PI16: variants seen among roughly 807,000 people sequenced by gnomAD.
PI16 encodes the protein PSP94-binding protein.
PI16 carries 35 observed loss-of-function variants against 38.0 expected under a neutral mutation model. The observed-to-expected ratio is 0.92, with a 90% CI of 0.70 to 1.22. The LOEUF is 1.22. Among genes scored for constraint, PI16 ranks in the 50% most tolerant of loss-of-function variants. The probability of loss-of-function intolerance (pLI) is 0.00; values close to 1 mark genes in which losing one functional copy is unlikely to be tolerated. For synonymous variants in PI16, 275 were observed against 252.9 expected, an observed-to-expected ratio of 1.09 and a Z score of -0.83; for missense variants, 572 against 593.8, an observed-to-expected ratio of 0.96 and a Z score of 0.38.
At position 36,961,949 on chromosome 6, in the gene PI16, C is replaced by G. The variant is rs1457443909; in HGVS notation, c.567C>G (p.Gly189=). Residue 189 remains glycine (G), a synonymous_variant, in exon 4 of 7, where the codon GGC becomes GGG. Transcript: ENST00000373674. ...EGTPCSQCPS[G]YHCKNSLCEP... ...CTCCGTGCTCCCAATGTCCCTCTGG[C>G]TACCACTGCAAGAACTCCCTCTGTG... 23 of 1,614,130 alleles carry G rather than the reference C, an allele frequency of 1.4e-5. No individual in the cohort carries two copies. The highest frequency in any genetic ancestry group is 1.8e-5 in the Non-Finnish European group (21 of 1,179,972).
chr6:36,954,675 C>A, upstream of PI16: 2 of 1,515,202 alleles, frequency 1.3e-6, no homozygotes, highest in Non-Finnish European at 8.8e-7. Flanking sequence ...ACTGCCCCAC[C>A]CCAGCCAGGG....
upstream of PI16, among the ~76,000 whole-genome samples, chr6:36,951,558 G>T (rs1763100160): frequency 6.6e-6 from 1 of 152,112 alleles, no homozygotes; most frequent in Non-Finnish European, 1.5e-5. Context: ...ACTTCAAATT[G>T]TTTTGTTGTT....
chr6:36,950,762 C>T (rs1318792822), upstream of PI16, among the ~76,000 whole-genome samples: 1 of 152,088 alleles, frequency 6.6e-6, no homozygotes, highest in African/African-American at 2.4e-5. The surrounding 1 kb of genome is among the most constrained non-coding windows in gnomAD (Gnocchi z 4.2). Flanking sequence ...AGGCTGGTCT[C>T]GAACTCCTGA....
chr6:36,955,560 T>C (rs1763181290), intron 1 of PI16, among the ~76,000 whole-genome samples: 1 of 152,102 alleles, frequency 6.6e-6, no homozygotes, highest in Admixed American at 6.5e-5. Flanking sequence ...GTCTCATCTG[T>C]AAAAGGCGGT....
upstream of PI16, among the ~76,000 whole-genome samples, chr6:36,951,609 T>C (rs1458676877): frequency 6.6e-6 from 1 of 152,072 alleles, no homozygotes; most frequent in Middle Eastern, 3.2e-3. Flanking sequence ...AAATATATCC[T>C]AGATATTGGC....
rs1763393431 is a variant in PI16 at position 36,962,398 on chromosome 6, G to A, written c.592+424G>A. 6.6e-6 allele frequency among the ~76,000 whole-genome samples: 1 copy of A among 152,248 alleles called. No individual in the cohort carries two copies. The highest frequency in any genetic ancestry group is 2.4e-5 in the African/African-American group (1 of 41,466). ...CTGAAAAAGGGCAAGTACGAATGTA[G>A]AGAGACTTGGACCAGGAGGTGGCTA... On this transcript the variant is annotated intron_variant, in intron 4 of 6. Coordinates refer to ENST00000373674, the MANE Select transcript of PI16 (RefSeq NM_153370.3). The surrounding 1 kb of genome is among the most constrained non-coding windows in gnomAD (Gnocchi z 4.1).
rs561347656 is a variant in PI16, at chr6:36,959,298, G to A, written c.325G>A (p.Glu109Lys). Residue 109 changes from glutamate (E) to lysine (K), a missense_variant, in exon 2 of 7, where the codon GAG becomes AAG. Coordinates refer to ENST00000373674, the MANE Select transcript of PI16 (RefSeq NM_153370.3). Reference sequence around the variant, plus strand: ...GCTGGCCATGGAGGAGTGGCACCACGAGCGTGAGCACTACAACCTCAGCGC... The same window carrying A: ...GCTGGCCATGGAGGAGTGGCACCACAAGCGTGAGCACTACAACCTCAGCGC... ...VPLAMEEWHH[E>K]REHYNLSAAT... 1.9e-6 allele frequency: 3 copies of A among 1,590,776 alleles called. No individual in the cohort carries two copies. The highest frequency in any genetic ancestry group is 4.6e-5 in the East Asian group (2 of 43,706).
Position 36,955,531 on chromosome 6 carries a change from G to A in PI16, c.171+600G>A, listed in dbSNP as rs548195443. 8.5e-5 allele frequency among the ~76,000 whole-genome samples: 13 copies of A among 152,290 alleles called. No individual in the cohort carries two copies. The South Asian group carries it at 1.2e-3, about 15-fold the overall frequency. The stretch of plus-strand genomic sequence containing the variant: ...AGACCTATGATTCGAGGCAAGTCCT[G>A]TAACCTTGCCGATCCCGTGTCTCAT... On this transcript the variant is annotated intron_variant, in intron 1 of 6. Transcript: ENST00000373674.
In PI16 at chr6:36,961,437, T is replaced by C. The variant is rs201393466; in HGVS notation, c.394-14T>C. 3.7e-6 allele frequency: 6 copies of C among 1,612,278 alleles called. No individual in the cohort carries two copies. In the East Asian group the frequency reaches 1.3e-4, roughly 36 times the overall value. Reference sequence around the variant, plus strand: ...CTCGCATGGGGCTGAGCTGCTAGGTTTGCCCTTCATCAGGTGGTATGGGCC... The same window carrying C: ...CTCGCATGGGGCTGAGCTGCTAGGTCTGCCCTTCATCAGGTGGTATGGGCC... On this transcript the variant is annotated splice_polypyrimidine_tract_variant and intron_variant, in intron 2 of 6. Coordinates refer to ENST00000373674, the MANE Select transcript of PI16 (RefSeq NM_153370.3).
intron 1 of PI16, among the ~76,000 whole-genome samples, chr6:36,957,940 C>T (rs1209763376): frequency 1.3e-5 from 2 of 152,250 alleles, no homozygotes; most frequent in African/African-American, 4.8e-5. Context: ...GCCCCTTTCC[C>T]ACTCCCAGTC....
chr6:36,959,266 A>G lies in PI16; in HGVS notation c.293A>G (p.Asp98Gly). 1 of 1,603,362 alleles carries G rather than the reference A, an allele frequency of 6.2e-7. No individual in the cohort carries two copies. The highest frequency in any genetic ancestry group is 1.1e-5 in the South Asian group (1 of 89,092). ...TTCGCCATCACAGACGAGGGCATGG[A>G]CGTGCCGCTGGCCATGGAGGAGTGG... ...NLFAITDEGM[D>G]VPLAMEEWHH... Residue 98 changes from aspartate (D) to glycine (G), a missense_variant, in exon 2 of 7, where the codon GAC becomes GGC. Asp to Gly is a moderately conservative substitution (Grantham distance 94). Transcript: ENST00000373674.
chr6:36,949,693 TC>T (rs1763069173), intron 1 of PI16, among the ~76,000 whole-genome samples: 1 of 152,212 alleles, frequency 6.6e-6, no homozygotes, highest in Non-Finnish European at 1.5e-5. Context: ...CCCTAAGTCT[TC>T]CTTCTCCCCT....
chr6:36,952,679 C>T (rs1297358152), upstream of PI16, among the ~76,000 whole-genome samples: 1 of 152,116 alleles, frequency 6.6e-6, no homozygotes, highest in African/African-American at 2.4e-5. Flanking sequence ...ATACTAATAC[C>T]ACACTATTTT....
chr6:36,961,021 C>T (rs989204970), intron 2 of PI16, among the ~76,000 whole-genome samples: 1 of 152,228 alleles, frequency 6.6e-6, no homozygotes, highest in African/African-American at 2.4e-5. Context: ...TCCAAAATGG[C>T]TCCTCCTGCT....
At chr6:36,964,007 T>G in intron 6 of PI16, 45 bp downstream of exon 6, 1 of 1,556,754 alleles carries the variant, frequency 6.4e-7, no homozygotes, top group Non-Finnish European at 8.7e-7. Context: ...CCACCTGGAT[T>G]GTCTTCCTCC....
upstream of PI16, among the ~76,000 whole-genome samples, chr6:36,952,797 AT>A (rs1249932508): frequency 6.6e-5 from 10 of 152,198 alleles, no homozygotes; most frequent in African/African-American, 2.4e-4. Context: ...GAGATTCCAT[AT>A]AAATTTTAGG....
Position 36,963,499 on chromosome 6 carries a change from C to T in PI16, c.1157C>T (p.Thr386Ile). Residue 386 changes from threonine to isoleucine, a missense_variant, in exon 5 of 7, where the codon ACA (threonine) becomes ATA (isoleucine). Transcript: ENST00000373674. ...AQDKPGELQATLDHTGHTSSK... is the reference protein window; with the variant it reads ...AQDKPGELQAILDHTGHTSSK... ...GACAAGCCAGGTGAGCTGCAGGCCACACTGGACCACACGGGGCACACCTCC... is the reference window on the plus strand; with the variant it reads ...GACAAGCCAGGTGAGCTGCAGGCCATACTGGACCACACGGGGCACACCTCC... 1 of 1,614,190 alleles carries T rather than the reference C, an allele frequency of 6.2e-7. No homozygotes were observed. The highest frequency in any genetic ancestry group is 8.5e-7 in the Non-Finnish European group (1 of 1,180,040).
At chr6:36,950,329 C>T (rs2150732233), upstream of PI16, among the ~76,000 whole-genome samples, 1 of 152,262 alleles carries the variant, frequency 6.6e-6, no homozygotes, top group Admixed American at 6.5e-5. This position sits in a 1 kb window ranked among gnomAD's most constrained non-coding sequence, Gnocchi z 4.2. Flanking sequence ...TTCACTTAGC[C>T]TAATGTCTTC....
chr6:36,950,209 G>GC (rs1021360325), upstream of PI16, among the ~76,000 whole-genome samples: 3 of 151,970 alleles, frequency 2.0e-5, no homozygotes, highest in Non-Finnish European at 4.4e-5. This position sits in a 1 kb window ranked among gnomAD's most constrained non-coding sequence, Gnocchi z 4.2. Context: ...CCTTCCTCCA[G>GC]CCCCCGGCAA....
Sources: gnomAD v4.1 joint callset for allele counts (sites outside exome capture counted in the v4.1 genomes callset) on GRCh38, gnomAD v4.1.1 for gene constraint, Gnocchi (gnomAD v3.1) non-coding constraint, MANE v1.5 for transcripts, NCBI Gene and HGNC (gene_info 2026-07-23, HGNC 2026-07-21) for gene names.